The following TENM3 variants were observed in gnomAD, a reference collection of about 807,000 sequenced individuals.
The protein encoded by TENM3 is teneurin transmembrane protein 3.
A neutral mutation model predicts 255.1 loss-of-function variants in TENM3; 63 were observed. The ratio of observed to expected loss-of-function variants is 0.25; its 90% CI spans 0.20 to 0.30. TENM3 has a LOEUF of 0.30. Ranked by LOEUF, TENM3 falls within the 10% of genes least tolerant of loss-of-function variation. TENM3 has a pLI of 1.00. For missense variants in TENM3, 2,929 were observed against 3,461.1 expected (o/e 0.85, Z 3.86); for synonymous variants, 1,306 against 1,322.3 (o/e 0.99, Z 0.27).
chr4:181,819,881 C>T, the TENM3 span: 1 of 151,986 alleles, frequency 6.6e-6, no homozygotes, highest in Non-Finnish European at 1.5e-5. Context: ...GGGTTGGGGA[C>T]CCCTGATCTA....
At chr4:182,197,051 C>T (rs1374573019) in intron 1 of TENM3, among the ~76,000 whole-genome samples, 5 of 152,178 alleles carry the variant, frequency 3.3e-5, no homozygotes, top group Admixed American at 2.6e-4. Flanking sequence ...TTCATGTCAG[C>T]ATGTTACAGT....
At chr4:182,368,766 G>T (rs1234168447) in intron 3 of TENM3, among the ~76,000 whole-genome samples, 3 of 152,126 alleles carry the variant, frequency 2.0e-5, no homozygotes, top group Admixed American at 1.3e-4. Context: ...CACGAGTCCT[G>T]GTTTCTTCCC....
chr4:182,741,684 G>C (rs1291010073), intron 18 of TENM3, among the ~76,000 whole-genome samples: 1 of 152,140 alleles, frequency 6.6e-6, no homozygotes, highest in East Asian at 1.9e-4. Context: ...GAATATTCAA[G>C]GCAAAATGCA....
At chr4:181,696,376 T>A in the TENM3 span, among the ~76,000 whole-genome samples, 1 of 152,130 alleles carries the variant, frequency 6.6e-6, no homozygotes, top group Non-Finnish European at 1.5e-5. Context: ...TCCACCAATG[T>A]ATTGACCAAA....
chr4:181,840,273 T>C, the TENM3 span, among the ~76,000 whole-genome samples: 3 of 152,162 alleles, frequency 2.0e-5, no homozygotes, highest in Non-Finnish European at 2.9e-5. Context: ...TGAGACATTT[T>C]AGTATACTTA....
chr4:182,118,290 A>T, the TENM3 span, among the ~76,000 whole-genome samples: 1 of 152,016 alleles, frequency 6.6e-6, no homozygotes, highest in African/African-American at 2.4e-5. Context: ...TTCTTGTCTT[A>T]TTGAATTAGC....
intron 3 of TENM3, among the ~76,000 whole-genome samples, chr4:182,493,833 G>T (rs957748236): frequency 6.6e-6 from 1 of 152,068 alleles, no homozygotes; most frequent in South Asian, 2.1e-4. Context: ...TTATTAAAAA[G>T]AAATTGTCAT....
At chr4:182,456,897 G>T (rs574704559) in intron 3 of TENM3, among the ~76,000 whole-genome samples, 1 of 152,134 alleles carries the variant, frequency 6.6e-6, no homozygotes. Context: ...AACAAAAACA[G>T]CTGGGCCCGG....
chr4:182,478,921 A>ATTTT (rs1733931967), intron 3 of TENM3, among the ~76,000 whole-genome samples: 1 of 151,982 alleles, frequency 6.6e-6, no homozygotes, highest in Non-Finnish European at 1.5e-5. Flanking sequence ...TTAGGAATGG[A>ATTTT]AGACTTTTAT....
At chr4:182,026,099 G>T in the TENM3 span, among the ~76,000 whole-genome samples, 1 of 152,178 alleles carries the variant, frequency 6.6e-6, no homozygotes, top group African/African-American at 2.4e-5. Context: ...CCTTGTGACA[G>T]TTTACTGAGA....
chr4:182,163,140 G>A (rs193230315), intron 1 of TENM3, among the ~76,000 whole-genome samples: 36 of 152,172 alleles, frequency 2.4e-4, no homozygotes, highest in African/African-American at 8.4e-4. Flanking sequence ...TCTGGTCCTT[G>A]CCCCTCCTTT....
intron 3 of TENM3, among the ~76,000 whole-genome samples, chr4:182,375,293 T>A (rs1767099892): frequency 6.6e-6 from 1 of 151,866 alleles, no homozygotes; most frequent in Non-Finnish European, 1.5e-5. Flanking sequence ...CTAAGTCCAT[T>A]CCTTGGATTG....
At chr4:181,742,942 T>C in the TENM3 span, among the ~76,000 whole-genome samples, 1 of 151,892 alleles carries the variant, frequency 6.6e-6, no homozygotes, top group Admixed American at 6.6e-5. Context: ...TTTTTTGTTC[T>C]TACGATAGTT....
chr4:182,532,602 TACC>T (rs950624475), intron 3 of TENM3, among the ~76,000 whole-genome samples: 9 of 152,224 alleles, frequency 5.9e-5, no homozygotes, highest in African/African-American at 2.2e-4. Context: ...CGTTTTTGAT[TACC>T]ACATTAACTC....
chr4:182,389,749 G>A (rs1199632048), intron 3 of TENM3, among the ~76,000 whole-genome samples: 1 of 147,442 alleles, frequency 6.8e-6, no homozygotes, highest in South Asian at 2.2e-4. Context: ...GCAGTGGCGC[G>A]ATCTCGGCTC....
the TENM3 span, among the ~76,000 whole-genome samples, chr4:181,883,126 C>CTTT: frequency 2.8e-5 from 3 of 106,734 alleles, no homozygotes; most frequent in African/African-American, 1.1e-4. Flanking sequence ...TGCAATTAAT[C>CTTT]TTTTTTTTTT....
intron 5 of TENM3, among the ~76,000 whole-genome samples, chr4:182,649,084 T>C (rs548068364): frequency 2.0e-5 from 3 of 151,808 alleles, no homozygotes; most frequent in Non-Finnish European, 4.4e-5. Context: ...CATATTTCTA[T>C]GGGGTATACA....
At chr4:182,382,368 T>G (rs1466624087) in intron 3 of TENM3, among the ~76,000 whole-genome samples, 1 of 152,084 alleles carries the variant, frequency 6.6e-6, no homozygotes, top group East Asian at 1.9e-4. Flanking sequence ...TTGTTTTTTT[T>G]TTTTATATTT....
the TENM3 span, among the ~76,000 whole-genome samples, chr4:181,856,142 AG>A: frequency 4.7e-3 from 637 of 135,778 alleles, 12 homozygotes; most frequent in East Asian, 0.043. Flanking sequence ...GGAAGAAGGA[AG>A]GAAGGAAGGA....
Sources: allele counts gnomAD v4.1 joint callset (sites outside exome capture counted in the v4.1 genomes callset), GRCh38; gene constraint gnomAD v4.1.1; transcripts MANE v1.5; gene names NCBI Gene and HGNC (gene_info 2026-07-23, HGNC 2026-07-21).